The following NRG1 variants were observed in gnomAD, a reference collection of about 807,000 sequenced individuals.
The protein encoded by NRG1 is neuregulin 1.
Under a neutral mutation model 63.8 loss-of-function variants are expected in NRG1, and 18 were observed. The ratio of observed to expected loss-of-function variants is 0.28; its 90% CI spans 0.19 to 0.42. The LOEUF (loss-of-function observed/expected upper bound fraction) is 0.42, where lower values mean the gene tolerates loss of function less well. NRG1 is among the 10% of genes least tolerant of loss of function. The pLI, the probability that NRG1 is intolerant of heterozygous loss-of-function variation, is 1.00. For synonymous variants in NRG1, 302 were observed against 301.3 expected, an observed-to-expected ratio of 1.00 and a Z score of -0.02; for missense variants, 762 against 814.7, an observed-to-expected ratio of 0.94 and a Z score of 0.79.
At chr8:31,918,822 C>T (rs1336415250) in intron 1 of NRG1, among the ~76,000 whole-genome samples, 1 of 118,880 alleles carries the variant, frequency 8.4e-6, no homozygotes, top group Admixed American at 9.2e-5. Context: ...GCTGTGAATC[C>T]ATCTGGTCCT....
At chr8:31,868,143 A>G (rs1440889568) in intron 1 of NRG1, among the ~76,000 whole-genome samples, 2 of 97,072 alleles carry the variant, frequency 2.1e-5, no homozygotes, top group Admixed American at 2.4e-4. Context: ...ACACACATAC[A>G]TCTTACACAC....
intron 5 of NRG1, among the ~76,000 whole-genome samples, chr8:32,639,801 T>C (rs917925815): frequency 2.6e-5 from 4 of 152,254 alleles, no homozygotes; most frequent in Non-Finnish European, 5.9e-5. Flanking sequence ...AAATAGCTAG[T>C]GCTTAAGTAT....
chr8:31,828,808 A>G (rs1195778299), intron 1 of NRG1, among the ~76,000 whole-genome samples: 1 of 152,180 alleles, frequency 6.6e-6, no homozygotes, highest in Admixed American at 6.5e-5. Flanking sequence ...TATATTCTTC[A>G]AACTGGTGCT....
intron 1 of NRG1, among the ~76,000 whole-genome samples, chr8:31,949,232 G>A (rs576208372): frequency 2.0e-5 from 3 of 152,246 alleles, no homozygotes; most frequent in East Asian, 1.9e-4. Flanking sequence ...CTATTTTGCA[G>A]ATGAAGAAAC....
At chr8:32,260,083 C>T (rs1639616604) in intron 1 of NRG1, among the ~76,000 whole-genome samples, 1 of 152,186 alleles carries the variant, frequency 6.6e-6, no homozygotes, top group Non-Finnish European at 1.5e-5. Flanking sequence ...TACTGGGACA[C>T]CATTGTCATA....
intron 1 of NRG1, among the ~76,000 whole-genome samples, chr8:31,984,664 A>G (rs1018780691): frequency 2.0e-5 from 3 of 152,202 alleles, no homozygotes; most frequent in Middle Eastern, 3.4e-3. Flanking sequence ...TTGGGAACCC[A>G]TAACCTTTGC....
chr8:32,384,742 A>G (rs1254406272), intron 1 of NRG1, among the ~76,000 whole-genome samples: 2 of 152,238 alleles, frequency 1.3e-5, no homozygotes, highest in Non-Finnish European at 2.9e-5. Context: ...TTTTTACATT[A>G]GGGCTTGTTA....
intron 1 of NRG1, among the ~76,000 whole-genome samples, chr8:32,010,706 T>C (rs1814615793): frequency 6.6e-6 from 1 of 152,126 alleles, no homozygotes; most frequent in African/African-American, 2.4e-5. Context: ...TCATTACCTG[T>C]TCTCCAGAGG....
chr8:32,002,686 T>G (rs906598824), intron 1 of NRG1, among the ~76,000 whole-genome samples: 1 of 152,072 alleles, frequency 6.6e-6, no homozygotes, highest in Non-Finnish European at 1.5e-5. Context: ...CTAAGTGTGA[T>G]TGTTACTATT....
At chr8:31,788,286 C>T (rs1820374560) in intron 1 of NRG1, among the ~76,000 whole-genome samples, 1 of 152,042 alleles carries the variant, frequency 6.6e-6, no homozygotes, top group African/African-American at 2.4e-5. Context: ...CCTTTACATA[C>T]ATTCACATAA....
At chr8:32,412,022 A>G (rs1191037165) in intron 1 of NRG1, among the ~76,000 whole-genome samples, 1 of 152,116 alleles carries the variant, frequency 6.6e-6, no homozygotes, top group East Asian at 1.9e-4. Context: ...TCTGGATGAG[A>G]TGAACATTTG....
intron 1 of NRG1, among the ~76,000 whole-genome samples, chr8:32,048,818 T>C (rs890531644): frequency 6.6e-6 from 1 of 151,984 alleles, no homozygotes; most frequent in Non-Finnish European, 1.5e-5. Flanking sequence ...ATCGGGTTGT[T>C]TTGTTGCTGT....
In NRG1 at chr8:32,188,508, A is replaced by G. The variant is rs544055170; in HGVS notation, c.38-407320A>G. On this transcript the variant is annotated intron_variant, in intron 1 of 10. Transcript: ENST00000519301. ...TACATTGCATGGCGAAGGGGAAGGG[A>G]GACTGCAGATGGAATTAAAATAGCT... Among the ~76,000 whole-genome samples, 209 of 152,310 alleles carry G rather than the reference A, an allele frequency of 1.4e-3. 1 individual carries two copies. The highest frequency in any genetic ancestry group is 4.8e-3 in the African/African-American group (198 of 41,578).
intron 1 of NRG1, among the ~76,000 whole-genome samples, chr8:32,412,535 G>A (rs1238706913): frequency 3.4e-5 from 5 of 146,314 alleles, no homozygotes; most frequent in African/African-American, 1.3e-4. Flanking sequence ...ATACAGTTAT[G>A]TGTCACTTAA....
At chr8:31,853,159 T>C (rs1000215243) in intron 1 of NRG1, among the ~76,000 whole-genome samples, 3 of 152,188 alleles carry the variant, frequency 2.0e-5, no homozygotes, top group Non-Finnish European at 4.4e-5. Flanking sequence ...AAGTCATTGA[T>C]AGCTTGATGG....
intron 1 of NRG1, among the ~76,000 whole-genome samples, chr8:32,445,020 G>C (rs902295921): frequency 6.6e-6 from 1 of 152,152 alleles, no homozygotes; most frequent in African/African-American, 2.4e-5. Context: ...AGCCATTATG[G>C]GATGTTTTGC....
intron 1 of NRG1, among the ~76,000 whole-genome samples, chr8:32,561,098 AAAC>A (rs1563650092): frequency 6.6e-6 from 1 of 152,218 alleles, no homozygotes; most frequent in Non-Finnish European, 1.5e-5. Flanking sequence ...CACAAGGTAC[AAAC>A]AACAAGGGCA....
At chr8:32,278,187 C>T (rs1200440435) in intron 1 of NRG1, among the ~76,000 whole-genome samples, 1 of 152,096 alleles carries the variant, frequency 6.6e-6, no homozygotes, top group Non-Finnish European at 1.5e-5. Context: ...ATGATCTTTC[C>T]TCATTGTAGT....
chr8:32,148,157 A>G (rs2131801360), intron 1 of NRG1, among the ~76,000 whole-genome samples: 1 of 152,280 alleles, frequency 6.6e-6, no homozygotes, highest in South Asian at 2.1e-4. Context: ...AAATCTCACA[A>G]TAAGCCTATG....
Sources: gnomAD v4.1 joint callset for allele counts (sites outside exome capture counted in the v4.1 genomes callset) on GRCh38, gnomAD v4.1.1 for gene constraint, MANE v1.5 for transcripts, NCBI Gene and HGNC (gene_info 2026-07-23, HGNC 2026-07-21) for gene names.